ZNF365: variants seen among roughly 807,000 people sequenced by gnomAD.
ZNF365 encodes the protein protein ZNF365.
A neutral mutation model predicts 35.0 loss-of-function variants in ZNF365; 22 were observed. That is an observed-to-expected ratio of 0.63 (90% confidence interval 0.45 to 0.90). The LOEUF (loss-of-function observed/expected upper bound fraction) is 0.90, where lower values mean the gene tolerates loss of function less well. Among genes scored for constraint, ZNF365 ranks in the 40% least tolerant of loss-of-function variants. The pLI is 0.00. For synonymous variants in ZNF365, 188 were observed against 196.2 expected, an observed-to-expected ratio of 0.96 and a Z score of 0.35; for missense variants, 448 against 500.3, an observed-to-expected ratio of 0.90 and a Z score of 1.00.
intron 2 of ZNF365, among the ~76,000 whole-genome samples, chr10:62,377,514 TA>T (rs1839356989): frequency 6.6e-6 from 1 of 152,232 alleles, no homozygotes; most frequent in African/African-American, 2.4e-5. Context: ...GACTTTCTGA[TA>T]TTGCTATACT....
At chr10:62,438,409 A>G (rs957459085) in intron 3 of ZNF365, among the ~76,000 whole-genome samples, 1 of 151,900 alleles carries the variant, frequency 6.6e-6, no homozygotes, top group African/African-American at 2.4e-5. Flanking sequence ...GCTGGTCTCA[A>G]ACTCCTGGCC....
intron 3 of ZNF365, among the ~76,000 whole-genome samples, chr10:62,455,160 G>T (rs978902292): frequency 6.6e-6 from 1 of 152,182 alleles, no homozygotes; most frequent in Non-Finnish European, 1.5e-5. Context: ...AAGCAGGGGA[G>T]TGTTATAAAT....
chr10:62,379,722 G>T (rs558513780), intron 2 of ZNF365, among the ~76,000 whole-genome samples: 1 of 152,276 alleles, frequency 6.6e-6, no homozygotes, highest in South Asian at 2.1e-4. Flanking sequence ...TGATTTGACT[G>T]CATCTGCCTG....
intron 3 of ZNF365, among the ~76,000 whole-genome samples, chr10:62,427,557 T>C (rs562848995): frequency 6.6e-6 from 1 of 152,332 alleles, no homozygotes; most frequent in Non-Finnish European, 1.5e-5. Context: ...AGGAAAAATA[T>C]AAGCAATACA....
chr10:62,408,930 T>C (rs1839944903), intron 3 of ZNF365, among the ~76,000 whole-genome samples: 1 of 152,162 alleles, frequency 6.6e-6, no homozygotes, highest in Non-Finnish European at 1.5e-5. Flanking sequence ...CTGATCTTCT[T>C]TTCTTGGTCT....
At chr10:62,450,991 T>A (rs889627652) in intron 3 of ZNF365, among the ~76,000 whole-genome samples, 3 of 146,368 alleles carry the variant, frequency 2.0e-5, no homozygotes, top group Admixed American at 2.0e-4. Flanking sequence ...GTAGATTTGC[T>A]TGTTGTTTTT....
At chr10:62,419,474 T>A (rs1840131925) in intron 3 of ZNF365, among the ~76,000 whole-genome samples, 1 of 151,442 alleles carries the variant, frequency 6.6e-6, no homozygotes, top group Non-Finnish European at 1.5e-5. Flanking sequence ...TTGGCTTTTG[T>A]TACAAGCAGG....
chr10:62,399,477 A>G (rs1839786755), intron 4 of ZNF365, 51 bp from the exon 5 acceptor site: 4 of 1,590,290 alleles, frequency 2.5e-6, no homozygotes, highest in Non-Finnish European at 3.4e-6. Flanking sequence ...TTTTAAAGAA[A>G]TCTTTCTTTC....
chr10:62,444,062 A>T (rs372624844), intron 3 of ZNF365, among the ~76,000 whole-genome samples: 2 of 152,178 alleles, frequency 1.3e-5, no homozygotes, highest in South Asian at 4.1e-4. Context: ...CTGCTCTTAG[A>T]CTTGGCATCT....
At chr10:62,392,878 C>T (rs913948675) in intron 3 of ZNF365, among the ~76,000 whole-genome samples, 14 of 152,262 alleles carry the variant, frequency 9.2e-5, no homozygotes, top group Non-Finnish European at 1.6e-4. Context: ...GTGATCCGCC[C>T]GCCTCGGCCT....
chr10:62,452,219 G>A (rs1462518804), intron 3 of ZNF365, among the ~76,000 whole-genome samples: 1 of 152,102 alleles, frequency 6.6e-6, no homozygotes, highest in Non-Finnish European at 1.5e-5. Flanking sequence ...GGTGAAGATG[G>A]AAATACTATT....
At chr10:62,471,606 AT>A (rs911229558) in intron 4 of ZNF365, among the ~76,000 whole-genome samples, 1 of 152,168 alleles carries the variant, frequency 6.6e-6, no homozygotes, top group African/African-American at 2.4e-5. Flanking sequence ...TTAATTTATG[AT>A]TATATGGCTT....
chr10:62,397,984 C>T (rs975527758), intron 3 of ZNF365, among the ~76,000 whole-genome samples: 2 of 152,122 alleles, frequency 1.3e-5, no homozygotes, highest in Admixed American at 6.6e-5. Context: ...TTTTGGTGCA[C>T]CCATCACGTG....
chr10:62,385,960 C>T (rs528583126), intron 2 of ZNF365, among the ~76,000 whole-genome samples: 1 of 151,990 alleles, frequency 6.6e-6, no homozygotes, highest in Non-Finnish European at 1.5e-5. Flanking sequence ...ACAGTTGCAT[C>T]ATTCAGTTAT....
At chr10:62,451,868 G>C (rs2132473722) in intron 3 of ZNF365, among the ~76,000 whole-genome samples, 1 of 152,302 alleles carries the variant, frequency 6.6e-6, no homozygotes, top group East Asian at 1.9e-4. Flanking sequence ...CTGGAGGATT[G>C]TCATGGGTAA....
At chr10:62,408,387 T>C (rs924782574) in intron 3 of ZNF365, among the ~76,000 whole-genome samples, 1 of 152,174 alleles carries the variant, frequency 6.6e-6, no homozygotes, top group Non-Finnish European at 1.5e-5. Flanking sequence ...TGTTTGAAGA[T>C]ATTAACCTAT....
At chr10:62,417,315 AT>A (rs1265156217) in intron 3 of ZNF365, among the ~76,000 whole-genome samples, 1 of 152,058 alleles carries the variant, frequency 6.6e-6, no homozygotes, top group East Asian at 1.9e-4. Context: ...CCTAGCAGTC[AT>A]TTTTTAAAAT....
In ZNF365 at chr10:62,376,833, C is replaced by G; in HGVS notation, c.640C>G (p.Arg214Gly). ...TCAGAAAAAGCAGGAAGTTCAGAGA[C>G]GAGAGCGGGCCTTAAACAGACAGGT... ...LTQKKQEVQR[R>G]ERALNRQVDV... The change falls in exon 2 of 5, where the codon CGA becomes GGA. Residue 214 changes from arginine (R) to glycine (G), a missense_variant. Arg to Gly is a moderately radical substitution (Grantham distance 125). Coordinates refer to ENST00000395254, the MANE Select transcript of ZNF365 (RefSeq NM_014951.3). 1.2e-6 allele frequency: 2 copies of G among 1,614,122 alleles called. No individual in the cohort carries two copies. The highest frequency in any genetic ancestry group is 1.7e-6 in the Non-Finnish European group (2 of 1,180,032).
intron 3 of ZNF365, among the ~76,000 whole-genome samples, chr10:62,431,684 G>A (rs774753028): frequency 7.9e-5 from 12 of 152,082 alleles, no homozygotes; most frequent in Non-Finnish European, 1.8e-4. Context: ...ATAATCTTTT[G>A]TTGACAAAGA....
Sources: gnomAD v4.1 joint callset for allele counts (sites outside exome capture counted in the v4.1 genomes callset) on GRCh38, gnomAD v4.1.1 for gene constraint, MANE v1.5 for transcripts, NCBI Gene and HGNC (gene_info 2026-07-23, HGNC 2026-07-21) for gene names.